The following DAAM2 variants were observed in gnomAD, a reference collection of about 807,000 sequenced individuals.
The protein encoded by DAAM2 is disheveled-associated activator of morphogenesis 2.
A neutral mutation model predicts 120.7 loss-of-function variants in DAAM2; 39 were observed. The ratio of observed to expected loss-of-function variants is 0.32; its 90% CI spans 0.25 to 0.42. DAAM2 has a LOEUF of 0.42. DAAM2 is among the 10% of genes least tolerant of loss of function. DAAM2 has a pLI of 1.00. For missense variants in DAAM2, 1,283 were observed against 1,401.7 expected, an observed-to-expected ratio of 0.92 and a Z score of 1.35; for synonymous variants, 488 against 524.9, an observed-to-expected ratio of 0.93 and a Z score of 0.96.
chr6:39,835,460 T>C (rs1763067330), intron 1 of DAAM2, among the ~76,000 whole-genome samples: 1 of 152,214 alleles, frequency 6.6e-6, no homozygotes, highest in Non-Finnish European at 1.5e-5. Context: ...TTTTTCCTTA[T>C]GACAATGTGA....
At position 39,878,643 on chromosome 6, in the gene DAAM2, C is replaced by T; in HGVS notation, c.1545+55C>T. The T allele has an allele frequency of 1.3e-6, 2 of 1,529,750 alleles. No individual in the cohort carries two copies. Among genetic ancestry groups the T allele is most frequent in the Admixed American group, 4.0e-5 (2 of 50,620 alleles). 94.8% of individuals were successfully genotyped at this position (1,529,750 alleles called of 1,614,324 possible). A position where few individuals can be genotyped will look rare whatever the true frequency, so the allele number is the denominator to read the frequency against. ...TGAGCCAAGACCCTGGGCTTCAGGA[C>T]TGGGTGGGCAGAGCAGGTGTCGGAG... is the stretch of plus-strand genomic sequence containing the variant. On this transcript the variant is annotated intron_variant, in intron 13 of 24. Coordinates refer to ENST00000274867, the MANE Select transcript of DAAM2 (RefSeq NM_001201427.2). The surrounding 1 kb of genome is among the most constrained non-coding windows in gnomAD (Gnocchi z 5.0).
At chr6:39,804,158 A>G (rs1439484231) in intron 1 of DAAM2, among the ~76,000 whole-genome samples, 1 of 152,188 alleles carries the variant, frequency 6.6e-6, no homozygotes, top group Non-Finnish European at 1.5e-5. Flanking sequence ...AGAGTCTGGC[A>G]GAGCCTGGCT....
chr6:39,815,053 G>A (rs1276143691), intron 1 of DAAM2, among the ~76,000 whole-genome samples: 2 of 152,228 alleles, frequency 1.3e-5, no homozygotes, highest in African/African-American at 4.8e-5. Flanking sequence ...TAGACCAGCA[G>A]TATCAGAATC....
chr6:39,869,752 AC>A (rs1468080428), intron 7 of DAAM2, among the ~76,000 whole-genome samples: 2 of 97,454 alleles, frequency 2.1e-5, no homozygotes, highest in Admixed American at 1.2e-4. Context: ...CCGCCAGCAT[AC>A]TTTTTTTTTT....
chr6:39,842,951 T>G (rs1055074714), intron 1 of DAAM2, among the ~76,000 whole-genome samples: 4 of 152,152 alleles, frequency 2.6e-5, no homozygotes, highest in African/African-American at 9.7e-5. Flanking sequence ...AGTCTCCTGC[T>G]TTTATTATTT....
In DAAM2 at chr6:39,902,491, C is replaced by A. The variant is rs73414845; in HGVS notation, c.*454C>A. On this transcript the variant is annotated 3_prime_UTR_variant, in exon 25 of 25. Coordinates refer to ENST00000274867, the MANE Select transcript of DAAM2 (RefSeq NM_001201427.2). ...TGAGGGAATCCAGACTCCCTTCTCTCAAGGGGAGGCTCAACAGAACATTGA... is the reference window on the plus strand; with the variant it reads ...TGAGGGAATCCAGACTCCCTTCTCTAAAGGGGAGGCTCAACAGAACATTGA... The A allele has an allele frequency of 0.021, 3,262 of 155,044 alleles. 119 individuals carry two copies. The highest frequency in any genetic ancestry group is 0.074 in the African/African-American group (3,077 of 41,636). The allele number at this position is 155,044 out of a possible 1,614,324, so 9.6% of individuals were successfully genotyped here. A position where few individuals can be genotyped will look rare whatever the true frequency, so the allele number is the denominator to read the frequency against.
At chr6:39,809,157 G>A (rs1050202345) in intron 1 of DAAM2, among the ~76,000 whole-genome samples, 46 of 152,304 alleles carry the variant, frequency 3.0e-4, no homozygotes, top group Middle Eastern at 3.4e-3. Flanking sequence ...GAGTGGTGTC[G>A]TCAGAGCTCT....
rs532897619 is a variant in DAAM2 at position 39,893,331 on chromosome 6, A to G, written c.2341+1609A>G. On this transcript the variant is annotated intron_variant, in intron 19 of 24. Coordinates refer to ENST00000274867, the MANE Select transcript of DAAM2 (RefSeq NM_001201427.2). The stretch of plus-strand genomic sequence containing the variant: ...GGAGATTGAGACCACTCTGGCTAAC[A>G]CGGTGAAACCTCGTGTCTACTAAAA... Among the ~76,000 whole-genome samples the G allele has an allele frequency of 3.9e-5, 6 of 152,326 alleles. No individual in the cohort carries two copies. In the East Asian group the frequency reaches 1.2e-3, roughly 29 times the overall value.
chr6:39,824,007 C>G (rs151185769), intron 1 of DAAM2, among the ~76,000 whole-genome samples: 87 of 152,202 alleles, frequency 5.7e-4, no homozygotes, highest in Middle Eastern at 3.4e-3. Context: ...TCATTCTGGT[C>G]GTCTTTTCTC....
intron 1 of DAAM2, chr6:39,822,169 TC>T (rs1473984853): frequency 6.6e-6 from 1 of 152,278 alleles, no homozygotes; most frequent in Non-Finnish European, 1.5e-5. Context: ...TCAGCCAGCA[TC>T]CCCACCCTCT....
rs74585911 is a variant in DAAM2 at position 39,834,049 on chromosome 6, C to T, written c.-56-22198C>T. Among the ~76,000 whole-genome samples the T allele has an allele frequency of 7.9e-4, 120 of 152,168 alleles. 1 individual carries two copies. Among genetic ancestry groups the T allele is most frequent in the African/African-American group, 2.6e-3 (109 of 41,496 alleles). On this transcript the variant is annotated intron_variant, in intron 1 of 24. Transcript: ENST00000274867. ...AATCTAAAAATTCTGGATTCTTGAC[C>T]CCGTCGTATGCCTGAGGCTTTTGCT... is the stretch of plus-strand genomic sequence containing the variant.
intron 10 of DAAM2, among the ~76,000 whole-genome samples, chr6:39,873,912 G>C (rs1330884132): frequency 6.6e-6 from 1 of 152,192 alleles, no homozygotes; most frequent in Non-Finnish European, 1.5e-5. Context: ...GTACATAATT[G>C]CTAATAGCCA....
intron 1 of DAAM2, among the ~76,000 whole-genome samples, chr6:39,839,736 G>T (rs1369272844): frequency 6.6e-6 from 1 of 152,234 alleles, no homozygotes; most frequent in African/African-American, 2.4e-5. Context: ...ATCGCAGGAG[G>T]CTCTGCACAG....
At chr6:39,891,510 G>A (rs1765717072) in intron 18 of DAAM2, 63 bp downstream of exon 18, 1 of 1,518,922 alleles carries the variant, frequency 6.6e-7, no homozygotes, top group South Asian at 1.2e-5. Context: ...GGCAGGTGGG[G>A]CTCTGCCAAG....
chr6:39,837,664 A>C (rs1315016353), intron 1 of DAAM2, among the ~76,000 whole-genome samples: 1 of 87,216 alleles, frequency 1.1e-5, no homozygotes, highest in Non-Finnish European at 2.2e-5. Flanking sequence ...ACTCCATCTC[A>C]AAAAAAAAAA....
chr6:39,872,010 G>T (rs542175904), intron 9 of DAAM2, among the ~76,000 whole-genome samples: 2 of 152,212 alleles, frequency 1.3e-5, no homozygotes, highest in South Asian at 2.1e-4. Flanking sequence ...CTCCAAAAGA[G>T]GTAGACAGAA....
chr6:39,853,673 T>C (rs571617579), intron 1 of DAAM2, among the ~76,000 whole-genome samples: 5 of 152,244 alleles, frequency 3.3e-5, no homozygotes, highest in African/African-American at 9.6e-5. Context: ...AGAGGGAGAC[T>C]AGGGAACAAG....
chr6:39,854,191 A>G (rs1041774655), intron 1 of DAAM2, among the ~76,000 whole-genome samples: 1 of 152,200 alleles, frequency 6.6e-6, no homozygotes, highest in African/African-American at 2.4e-5. Flanking sequence ...TTGATTGCTT[A>G]TTAATTGCTA....
At chr6:39,876,121 C>T (rs1034646671) in intron 11 of DAAM2, among the ~76,000 whole-genome samples, 2 of 152,164 alleles carry the variant, frequency 1.3e-5, no homozygotes, top group Non-Finnish European at 2.9e-5. Flanking sequence ...AGCCTAAGGC[C>T]TTCTGGTTTA....
Sources: allele counts gnomAD v4.1 joint callset (sites outside exome capture counted in the v4.1 genomes callset), GRCh38; gene constraint gnomAD v4.1.1; non-coding constraint Gnocchi (gnomAD v3.1); transcripts MANE v1.5; gene names NCBI Gene and HGNC (gene_info 2026-07-23, HGNC 2026-07-21).